The following TBC1D12 variants were observed in gnomAD, a reference collection of about 807,000 sequenced individuals.
The protein encoded by TBC1D12 is TBC1 domain family, member 12.
TBC1D12 carries 56 observed loss-of-function variants against 86.7 expected under a neutral mutation model. That is an observed-to-expected ratio of 0.65 (90% CI 0.52 to 0.81). TBC1D12 has a LOEUF of 0.81. TBC1D12 is among the 30% of genes least tolerant of loss of function. The probability of loss-of-function intolerance (pLI) is 0.00; values close to 1 mark genes in which losing one functional copy is unlikely to be tolerated. For missense variants in TBC1D12, 1,023 were observed against 1,038.8 expected (o/e 0.98, Z 0.21); for synonymous variants, 421 against 411.7 (o/e 1.02, Z -0.27).
intron 8 of TBC1D12, among the ~76,000 whole-genome samples, 196 bp from the exon 9 acceptor site, chr10:94,511,387 C>T (rs1047997748): frequency 7.2e-5 from 11 of 151,994 alleles, no homozygotes; most frequent in East Asian, 3.9e-4. Context: ...CATGAGCCAC[C>T]GCACCCATCT....
intron 11 of TBC1D12, 86 bp from the exon 12 acceptor site, chr10:94,531,116 A>G: frequency 6.9e-7 from 1 of 1,451,468 alleles, no homozygotes; most frequent in Non-Finnish European, 9.4e-7. Context: ...CTAATTAAAC[A>G]CTGTTCTTTT....
At chr10:94,526,813 T>C (rs1842301542) in intron 11 of TBC1D12, among the ~76,000 whole-genome samples, 1 of 152,222 alleles carries the variant, frequency 6.6e-6, no homozygotes, top group South Asian at 2.1e-4. Flanking sequence ...ATCGCCATAC[T>C]GTTCTCCATA....
intron 9 of TBC1D12, among the ~76,000 whole-genome samples, chr10:94,514,907 C>CTTTT (rs1168629833): frequency 6.3e-5 from 8 of 127,336 alleles, no homozygotes; most frequent in Non-Finnish European, 1.0e-4. Context: ...TTTTTTTTTT[C>CTTTT]TTTTTTTTTT....
intron 1 of TBC1D12, among the ~76,000 whole-genome samples, chr10:94,413,085 A>C (rs1276301891): frequency 2.6e-5 from 4 of 152,216 alleles, no homozygotes; most frequent in African/African-American, 4.8e-5. Flanking sequence ...CTGAAAGTAC[A>C]ACACACCTTT....
At chr10:94,458,757 GTCTGGAGTTGTTCGTTCCTTCCA>G (rs1375529020) in intron 2 of TBC1D12, among the ~76,000 whole-genome samples, 4 of 152,184 alleles carry the variant, frequency 2.6e-5, no homozygotes, top group South Asian at 4.2e-4. Context: ...AAGGTGGTGC[GTCTGGAGTTGTTCGTTCCTTCCA>G]TCTGGAGTTG....
intron 11 of TBC1D12, among the ~76,000 whole-genome samples, chr10:94,523,203 A>ACAAC (rs1328549371): frequency 6.7e-6 from 1 of 149,530 alleles, no homozygotes; most frequent in African/African-American, 2.4e-5. Flanking sequence ...AAAAAAAAAA[A>ACAAC]AAAAAAAAAA....
chr10:94,444,794 C>T (rs1353879903), intron 2 of TBC1D12, among the ~76,000 whole-genome samples: 14 of 150,038 alleles, frequency 9.3e-5, no homozygotes, highest in Non-Finnish European at 1.8e-4. Context: ...TGCAGTGGCA[C>T]GATCTCGGCT....
intron 4 of TBC1D12, among the ~76,000 whole-genome samples, chr10:94,495,808 AAGT>A (rs1178415549): frequency 6.6e-6 from 1 of 152,172 alleles, no homozygotes; most frequent in African/African-American, 2.4e-5. Context: ...AAATAAAAGA[AAGT>A]AGAGATTGTC....
chr10:94,491,640 C>A (rs2056246311), intron 3 of TBC1D12, among the ~76,000 whole-genome samples: 1 of 152,152 alleles, frequency 6.6e-6, no homozygotes, highest in South Asian at 2.1e-4. Context: ...TTCTGAGTAG[C>A]ATGATGAAAT....
At chr10:94,530,469 G>A (rs533267050) in intron 11 of TBC1D12, among the ~76,000 whole-genome samples, 3 of 152,300 alleles carry the variant, frequency 2.0e-5, no homozygotes, top group African/African-American at 7.2e-5. Flanking sequence ...GTTACTAAAA[G>A]ATGATATTTG....
chr10:94,418,177 C>CCCTG lies in TBC1D12; in HGVS notation c.971+14596_971+14599dup, dbSNP rs1278082407. Among the ~76,000 whole-genome samples the CCCTG allele has an allele frequency of 5.9e-5, 9 of 152,200 alleles. No homozygotes were observed. In the East Asian group the frequency reaches 1.4e-3, roughly 23 times the overall value. ...AGGATAATAAAACCAGAAACTTGGG[C>CCCTG]CCTGCCACGCTTGAATTTGGTTATC... On this transcript the variant is annotated intron_variant, in intron 1 of 12. Coordinates refer to ENST00000225235, the MANE Select transcript of TBC1D12 (RefSeq NM_015188.2).
chr10:94,447,353 ATTTAAC>A (rs1188899656), intron 2 of TBC1D12, among the ~76,000 whole-genome samples: 1 of 152,160 alleles, frequency 6.6e-6, no homozygotes, highest in Non-Finnish European at 1.5e-5. Context: ...TCTATATACA[ATTTAAC>A]TTTACATGTT....
At chr10:94,435,402 A>G (rs1321602768) in intron 1 of TBC1D12, among the ~76,000 whole-genome samples, 2 of 152,234 alleles carry the variant, frequency 1.3e-5, no homozygotes, top group East Asian at 1.9e-4. Context: ...TTTTATATAC[A>G]GTGGTCAATA....
chr10:94,444,771 G>A lies in TBC1D12; in HGVS notation c.1095+2752G>A, dbSNP rs541710350. ...TTTTGAGACGGAGTCTTGCTCTGTC[G>A]CCCAGGCTGCAGTGCAGTGGCACGA... On this transcript the variant is annotated intron_variant, in intron 2 of 12. Coordinates refer to ENST00000225235, the MANE Select transcript of TBC1D12 (RefSeq NM_015188.2). 3.5e-3 allele frequency among the ~76,000 whole-genome samples: 497 copies of A among 141,038 alleles called. 3 individuals are homozygous for A. Among genetic ancestry groups the A allele is most frequent in the African/African-American group, 0.013 (484 of 37,778 alleles). 92.5% of individuals were successfully genotyped at this position (141,038 alleles called of 152,430 possible). A position where few individuals can be genotyped will look rare whatever the true frequency, so the allele number is the denominator to read the frequency against.
chr10:94,524,785 C>T (rs1246135157), intron 11 of TBC1D12, among the ~76,000 whole-genome samples: 1 of 149,506 alleles, frequency 6.7e-6, no homozygotes, highest in African/African-American at 2.5e-5. Context: ...GATGGGGAAC[C>T]TGAAATTTTG....
intron 1 of TBC1D12, among the ~76,000 whole-genome samples, chr10:94,435,057 A>G (rs1005734941): frequency 6.6e-6 from 1 of 152,194 alleles, no homozygotes; most frequent in African/African-American, 2.4e-5. Flanking sequence ...ACGGAGGAAT[A>G]ATATTACATT....
intron 6 of TBC1D12, among the ~76,000 whole-genome samples, chr10:94,500,912 T>C (rs1015758183): frequency 2.6e-5 from 4 of 151,956 alleles, no homozygotes; most frequent in Admixed American, 6.6e-5. Context: ...AAAAATTAGC[T>C]GGGCATGGTG....
intron 2 of TBC1D12, among the ~76,000 whole-genome samples, chr10:94,462,700 T>C (rs1363097265): frequency 1.3e-5 from 2 of 152,212 alleles, no homozygotes; most frequent in African/African-American, 4.8e-5. Flanking sequence ...AAATTATTCA[T>C]ATTTTCTTAT....
chr10:94,513,982 T>C (rs1438745664), intron 9 of TBC1D12, among the ~76,000 whole-genome samples: 3 of 151,502 alleles, frequency 2.0e-5, no homozygotes, highest in Non-Finnish European at 4.4e-5. Flanking sequence ...TCTGAGTGAC[T>C]GTGAAATGTA....
Sources: gnomAD v4.1 joint callset for allele counts (sites outside exome capture counted in the v4.1 genomes callset) on GRCh38, gnomAD v4.1.1 for gene constraint, MANE v1.5 for transcripts, NCBI Gene and HGNC (gene_info 2026-07-23, HGNC 2026-07-21) for gene names.